Variants in ATXN7L1 observed in about 807,000 individuals in gnomAD.
ATXN7L1 encodes the protein ataxin 7 like 1.
ATXN7L1 carries 15 observed loss-of-function variants against 70.8 expected under a neutral mutation model. That is an observed-to-expected ratio of 0.21 (90% CI 0.14 to 0.33). The LOEUF is 0.33. Ranked by LOEUF, ATXN7L1 falls within the 10% of genes least tolerant of loss-of-function variation. ATXN7L1 has a pLI of 1.00. For missense variants in ATXN7L1, 975 were observed against 1,097.1 expected, an observed-to-expected ratio of 0.89 and a Z score of 1.57; for synonymous variants, 440 against 445.1, an observed-to-expected ratio of 0.99 and a Z score of 0.14.
At chr7:105,681,515 T>C (rs1455260128) in intron 3 of ATXN7L1, among the ~76,000 whole-genome samples, 2 of 152,136 alleles carry the variant, frequency 1.3e-5, no homozygotes, top group Non-Finnish European at 2.9e-5. Context: ...GAATTAAAAA[T>C]TGATTCAGCA....
At chr7:105,686,023 G>C (rs924177471) in intron 3 of ATXN7L1, among the ~76,000 whole-genome samples, 2 of 152,090 alleles carry the variant, frequency 1.3e-5, no homozygotes, top group Non-Finnish European at 2.9e-5. Flanking sequence ...TCTGAGAAGA[G>C]AGCAGCATTA....
intron 4 of ATXN7L1, among the ~76,000 whole-genome samples, chr7:105,643,611 C>CA (rs1398043480): frequency 6.6e-6 from 1 of 152,264 alleles, no homozygotes; most frequent in Non-Finnish European, 1.5e-5. Flanking sequence ...GACAGGATCA[C>CA]ACCACAAGGA....
intron 2 of ATXN7L1, among the ~76,000 whole-genome samples, chr7:105,815,659 CAG>C (rs1809075894): frequency 6.6e-6 from 1 of 152,250 alleles, no homozygotes; most frequent in Admixed American, 6.5e-5. Context: ...AGGAAGCTGT[CAG>C]AGGATGTACT....
intron 2 of ATXN7L1, among the ~76,000 whole-genome samples, chr7:105,817,504 C>T (rs1363049513): frequency 2.0e-5 from 3 of 152,076 alleles, no homozygotes; most frequent in African/African-American, 7.2e-5. Flanking sequence ...TGTAACTTGC[C>T]CTCAAATGGT....
At chr7:105,629,805 T>C (rs2668884) in intron 7 of ATXN7L1, among the ~76,000 whole-genome samples, 147,252 of 151,332 alleles carry the variant, frequency 0.97, 71,738 homozygotes, top group East Asian at 1. Flanking sequence ...GGTGTAGGCC[T>C]CCGTGCCCGG....
At chr7:105,759,229 G>A (rs1800204631) in intron 3 of ATXN7L1, among the ~76,000 whole-genome samples, 1 of 144,440 alleles carries the variant, frequency 6.9e-6, no homozygotes, top group Admixed American at 7.1e-5. Context: ...GTTGATGAAT[G>A]TTGATACAGT....
intron 3 of ATXN7L1, among the ~76,000 whole-genome samples, chr7:105,758,123 C>A (rs1388119165): frequency 6.6e-6 from 1 of 152,146 alleles, no homozygotes; most frequent in East Asian, 1.9e-4. Context: ...TTGAGGTTTC[C>A]CACCTCGGCC....
intron 4 of ATXN7L1, among the ~76,000 whole-genome samples, chr7:105,652,080 G>C (rs1399767895): frequency 6.6e-6 from 1 of 152,146 alleles, no homozygotes; most frequent in Non-Finnish European, 1.5e-5. Context: ...GGGAGTCCTA[G>C]TGCCCTAGGA....
At chr7:105,739,776 A>T (rs1191599621) in intron 3 of ATXN7L1, among the ~76,000 whole-genome samples, 1 of 152,108 alleles carries the variant, frequency 6.6e-6, no homozygotes, top group Non-Finnish European at 1.5e-5. Context: ...TTCCCTAGGG[A>T]TCCTTGTGTA....
intron 3 of ATXN7L1, among the ~76,000 whole-genome samples, chr7:105,703,278 A>G (rs1177990745): frequency 6.8e-6 from 1 of 147,808 alleles, no homozygotes; most frequent in Non-Finnish European, 1.5e-5. Flanking sequence ...CCACTCCAGC[A>G]TGGGCAAGAA....
At chr7:105,729,752 T>G (rs1796320280) in intron 3 of ATXN7L1, among the ~76,000 whole-genome samples, 1 of 150,272 alleles carries the variant, frequency 6.7e-6, no homozygotes, top group African/African-American at 2.5e-5. Flanking sequence ...TTTTTTTTTT[T>G]TCTGAGATGG....
chr7:105,766,686 G>A (rs1052382299), intron 3 of ATXN7L1, among the ~76,000 whole-genome samples: 1 of 152,164 alleles, frequency 6.6e-6, no homozygotes, highest in Non-Finnish European at 1.5e-5. Context: ...AAGGGAAACC[G>A]CTGGGATTAG....
chr7:105,751,631 G>C (rs1246604506), intron 3 of ATXN7L1, among the ~76,000 whole-genome samples: 1 of 151,792 alleles, frequency 6.6e-6, no homozygotes, highest in Non-Finnish European at 1.5e-5. Flanking sequence ...GTGAGATCCT[G>C]TCTCAAAGAA....
intron 2 of ATXN7L1, among the ~76,000 whole-genome samples, chr7:105,849,972 G>A (rs990372474): frequency 1.3e-5 from 2 of 152,110 alleles, no homozygotes; most frequent in African/African-American, 4.8e-5. Context: ...TTGCCCTACT[G>A]TATTTTATTA....
intron 3 of ATXN7L1, among the ~76,000 whole-genome samples, chr7:105,747,208 C>T (rs1230833434): frequency 1.3e-5 from 2 of 152,182 alleles, no homozygotes; most frequent in Non-Finnish European, 2.9e-5. Context: ...AGGGCGGGGA[C>T]TTTCAGCTCC....
chr7:105,647,042 G>GA (rs911190888), intron 4 of ATXN7L1, among the ~76,000 whole-genome samples: 4 of 152,092 alleles, frequency 2.6e-5, no homozygotes, highest in Admixed American at 6.6e-5. Context: ...TTTCTTTAGG[G>GA]AAAAAAATCA....
intron 3 of ATXN7L1, among the ~76,000 whole-genome samples, chr7:105,672,235 G>A (rs1438302136): frequency 3.9e-5 from 6 of 152,066 alleles, no homozygotes; most frequent in Non-Finnish European, 8.8e-5. Context: ...GCAGTGAGCC[G>A]AGATCATGCC....
At chr7:105,665,331 C>A (rs1476245678) in intron 3 of ATXN7L1, 43 bp from the exon 4 acceptor site, 1 of 1,473,494 alleles carries the variant, frequency 6.8e-7, no homozygotes. Flanking sequence ...GCATCTGTAG[C>A]AGGTGAGGCT....
Position 105,671,214 on chromosome 7 carries a change from C to A in ATXN7L1, c.356-5926G>T, listed in dbSNP as rs1315211491. On this transcript the variant is annotated intron_variant, in intron 3 of 11. Coordinates refer to ENST00000419735, the MANE Select transcript of ATXN7L1 (RefSeq NM_020725.2). ...AGGAGAATCACTTGAACCCGGGAGG[C>A]GGAGGTTGCAGTGAGCCTGGATTAC... Among the ~76,000 whole-genome samples, 3 of 148,250 alleles carry A rather than the reference C, an allele frequency of 2.0e-5. No individual in the cohort carries two copies. In the South Asian group the frequency reaches 6.4e-4, roughly 32 times the overall value.
Sources: gnomAD v4.1 joint callset for allele counts (sites outside exome capture counted in the v4.1 genomes callset) on GRCh38, gnomAD v4.1.1 for gene constraint, MANE v1.5 for transcripts, NCBI Gene and HGNC (gene_info 2026-07-23, HGNC 2026-07-21) for gene names.